Variants in AMZ1 observed in about 807,000 individuals in gnomAD.
AMZ1 encodes archaelysin family metallopeptidase 1, also known as archaemetzincin-1.
AMZ1 carries 39 observed loss-of-function variants against 29.9 expected under a neutral mutation model. The ratio of observed to expected loss-of-function variants is 1.30; its 90% CI spans 1.01 to 1.70. The LOEUF is 1.70. Ranked by LOEUF, AMZ1 falls within the 40% of genes most tolerant of loss-of-function variation. The probability of loss-of-function intolerance (pLI) is 0.00; values close to 1 mark genes in which losing one functional copy is unlikely to be tolerated. For synonymous variants in AMZ1, 458 were observed against 304.0 expected (o/e 1.51, Z -5.27); for missense variants, 1,041 against 680.6 (o/e 1.53, Z -5.89).
At chr7:2,710,034 T>C (rs1037381800) in intron 6 of AMZ1, among the ~76,000 whole-genome samples, 5 of 152,224 alleles carry the variant, frequency 3.3e-5, no homozygotes, top group Non-Finnish European at 5.9e-5. Flanking sequence ...GTGTGGTGGC[T>C]GTGACTGGGA....
rs779512222 is a variant in AMZ1 at position 2,731,794 on chromosome 7, A to C, written n.550+21978A>C. 9.8e-7 allele frequency: 1 copy of C among 1,020,702 alleles called. No homozygotes were observed. The highest frequency in any genetic ancestry group is 1.4e-6 in the Non-Finnish European group (1 of 718,042). 63.2% of individuals were successfully genotyped at this position (1,020,702 alleles called of 1,614,324 possible). A position where few individuals can be genotyped will look rare whatever the true frequency, so the allele number is the denominator to read the frequency against. Reference sequence around the variant, plus strand: ...GGCAGAAATTTAGGGGGAGGAAGAAAGAACAGAGAAAATAGAAACAAAAAG... The same window carrying C: ...GGCAGAAATTTAGGGGGAGGAAGAACGAACAGAGAAAATAGAAACAAAAAG... On this transcript the variant is annotated intron_variant and non_coding_transcript_variant, in intron 4 of 4. Coordinates refer to the AMZ1 transcript ENST00000489665. This position sits in a 1 kb window ranked among gnomAD's most constrained non-coding sequence, Gnocchi z 6.0.
chr7:2,741,931 T>A (rs1211011633), intron 4 of AMZ1, among the ~76,000 whole-genome samples: 1 of 151,682 alleles, frequency 6.6e-6, no homozygotes, highest in Non-Finnish European at 1.5e-5. Context: ...TATAAGACCA[T>A]TTCCCTCCTC....
chr7:2,696,910 C>T (rs1787781204), intron 1 of AMZ1, among the ~76,000 whole-genome samples: 2 of 151,890 alleles, frequency 1.3e-5, no homozygotes, highest in African/African-American at 4.8e-5. Flanking sequence ...AACAAAAAAC[C>T]TTGAGGGCTG....
chr7:2,711,697 GCGTGAGCCACCATGCCCACAC>G (rs1788789547), intron 6 of AMZ1, among the ~76,000 whole-genome samples: 1 of 152,082 alleles, frequency 6.6e-6, no homozygotes, highest in East Asian at 1.9e-4. Context: ...GGGATTACAA[GCGTGAGCCACCATGCCCACAC>G]CTTTGCTTTA....
intron 4 of AMZ1, among the ~76,000 whole-genome samples, chr7:2,726,044 G>A (rs981541504): frequency 6.6e-6 from 1 of 152,228 alleles, no homozygotes; most frequent in Admixed American, 6.5e-5. Context: ...AATTAAGCAA[G>A]TCTTAAAGTG....
At chr7:2,756,539 C>T (rs550804142) in intron 4 of AMZ1, among the ~76,000 whole-genome samples, 118 of 151,638 alleles carry the variant, frequency 7.8e-4, no homozygotes, top group Non-Finnish European at 1.3e-3. Context: ...CTCTTGAGCC[C>T]GGGAGGTCGA....
upstream of AMZ1, among the ~76,000 whole-genome samples, chr7:2,761,090 C>T (rs1197032551): frequency 3.3e-5 from 5 of 152,352 alleles, no homozygotes; most frequent in East Asian, 9.6e-4. Context: ...TCATAGAAAG[C>T]ATTTCCTACA....
chr7:2,744,591 A>T (rs899739871), intron 4 of AMZ1, among the ~76,000 whole-genome samples: 26 of 152,346 alleles, frequency 1.7e-4, no homozygotes, highest in African/African-American at 5.8e-4. Context: ...GAAAAACTGG[A>T]AACTCTAAAA....
intron 4 of AMZ1, among the ~76,000 whole-genome samples, chr7:2,748,745 T>C (rs1324556777): frequency 6.6e-6 from 1 of 152,062 alleles, no homozygotes; most frequent in East Asian, 1.9e-4. Flanking sequence ...GGGAGAAAAT[T>C]TTTGCAACCT....
At chr7:2,735,802 C>T (rs1468396071) in intron 4 of AMZ1, among the ~76,000 whole-genome samples, 2 of 152,196 alleles carry the variant, frequency 1.3e-5, no homozygotes, top group East Asian at 3.9e-4. Flanking sequence ...GGCCTCATCT[C>T]GAGAAACAGC....
Position 2,702,728 on chromosome 7 carries a change from G to A in AMZ1, c.311G>A (p.Ser104Asn). The A allele has an allele frequency of 6.5e-7, 1 of 1,534,242 alleles. No homozygotes were observed. The highest frequency in any genetic ancestry group is 8.8e-7 in the Non-Finnish European group (1 of 1,142,768). Residue 104 changes from serine (S) to asparagine (N), a missense_variant, in exon 3 of 7, where the codon AGC (serine) becomes AAC (asparagine). Coordinates refer to ENST00000683327, the MANE Select transcript of AMZ1 (RefSeq NM_001384743.1). ...GGTGCTGCTCTCCCACCAGACCTGA[G>A]CGAGGAGCCGGTGGGAAGCTCCCTG... Reference protein sequence around the residue: ...KHIYLQPIDLSEEPVGSSLLH... With the variant: ...KHIYLQPIDLNEEPVGSSLLH...
At chr7:2,735,155 T>C (rs208357) in intron 4 of AMZ1, among the ~76,000 whole-genome samples, 1 of 151,976 alleles carries the variant, frequency 6.6e-6, no homozygotes, top group Non-Finnish European at 1.5e-5. Flanking sequence ...CGCCTCTCTC[T>C]CCTGCCTCCT....
chr7:2,708,747 G>T (rs375828895), intron 4 of AMZ1, 31 bp downstream of exon 4: 236 of 1,610,824 alleles, frequency 1.5e-4, no homozygotes, highest in Non-Finnish European at 1.9e-4. Context: ...CTGTGCGTGG[G>T]GGGTAGCCTG....
chr7:2,690,038 C>T (rs1246550253), intron 1 of AMZ1, among the ~76,000 whole-genome samples: 3 of 152,128 alleles, frequency 2.0e-5, no homozygotes, highest in East Asian at 1.9e-4. Flanking sequence ...AATGTGGCCA[C>T]AAGGCTTCTT....
chr7:2,698,485 C>T (rs548593218), intron 1 of AMZ1, among the ~76,000 whole-genome samples: 2 of 152,114 alleles, frequency 1.3e-5, no homozygotes, highest in Admixed American at 1.3e-4. Context: ...TTGCAGTGAG[C>T]CCAGATCACG....
chr7:2,721,236 A>C (rs1789407822), downstream of AMZ1, among the ~76,000 whole-genome samples: 1 of 152,168 alleles, frequency 6.6e-6, no homozygotes, highest in Admixed American at 6.5e-5. Flanking sequence ...AAGCACAGGG[A>C]CTAAGGCCTG....
intron 4 of AMZ1, 47 bp from the exon 5 acceptor site, chr7:2,709,028 A>T: frequency 2.6e-6 from 4 of 1,523,302 alleles, no homozygotes; most frequent in South Asian, 1.3e-5. Flanking sequence ...GGCCCCCCAG[A>T]GCCAAGGCTG....
intron 1 of AMZ1, among the ~76,000 whole-genome samples, chr7:2,699,290 C>T (rs1297596665): frequency 1.3e-5 from 2 of 152,192 alleles, no homozygotes; most frequent in Non-Finnish European, 1.5e-5. Flanking sequence ...TGCTGCTGCT[C>T]CGGTCAGAGC....
At chr7:2,695,552 C>T (rs758671851) in intron 1 of AMZ1, among the ~76,000 whole-genome samples, 5 of 104,854 alleles carry the variant, frequency 4.8e-5, no homozygotes, top group Non-Finnish European at 8.4e-5. Context: ...CTCTTCTCTA[C>T]AAAAAAAAAA....
Sources: gnomAD v4.1 joint callset for allele counts (sites outside exome capture counted in the v4.1 genomes callset) on GRCh38, gnomAD v4.1.1 for gene constraint, Gnocchi (gnomAD v3.1) non-coding constraint, MANE v1.5 for transcripts, NCBI Gene and HGNC (gene_info 2026-07-23, HGNC 2026-07-21) for gene names.